Variants in PARL observed in about 807,000 individuals in gnomAD.
The protein encoded by PARL is presenilin associated rhomboid like.
PARL carries 44 observed loss-of-function variants against 51.6 expected under a neutral mutation model. That is an observed-to-expected ratio of 0.85 (90% CI 0.67 to 1.10). The LOEUF (loss-of-function observed/expected upper bound fraction) is 1.10, where lower values mean the gene tolerates loss of function less well. Among genes scored for constraint, PARL ranks in the 50% least tolerant of loss-of-function variants. PARL has a pLI of 0.00. For missense variants in PARL, 441 were observed against 469.5 expected, an observed-to-expected ratio of 0.94 and a Z score of 0.56; for synonymous variants, 172 against 164.0, an observed-to-expected ratio of 1.05 and a Z score of -0.37.
In PARL at chr3:183,884,751, G is replaced by C. The variant is rs1231380005; in HGVS notation, c.96C>G (p.Val32=). 6.3e-7 allele frequency: 1 copy of C among 1,579,326 alleles called. No individual in the cohort carries two copies. The highest frequency in any genetic ancestry group is 8.6e-7 in the Non-Finnish European group (1 of 1,166,222). Residue 32 remains valine (V), a synonymous_variant, in exon 1 of 10, where the codon GTC becomes GTG. Coordinates refer to ENST00000317096, the MANE Select transcript of PARL (RefSeq NM_018622.7). ...GTCCGAGGAGCTGCGGCGGGGTTAG[G>C]ACCGCAGTGAGCTCCTCGCAGCTGC... is the stretch of plus-strand genomic sequence containing the variant. ...GGRSCEELTA[V]LTPPQLLGRR... is the part of the protein sequence containing the mutation.
chr3:183,858,742 A>G (rs1731447192), intron 4 of PARL, among the ~76,000 whole-genome samples: 1 of 152,156 alleles, frequency 6.6e-6, no homozygotes, highest in Admixed American at 6.5e-5. Flanking sequence ...GCAATAGAAC[A>G]GAAAATTAGG....
At chr3:183,861,125 T>C (rs1731781483) in intron 4 of PARL, 3 of 323,496 alleles carry the variant, frequency 9.3e-6, no homozygotes, top group East Asian at 3.4e-4. Context: ...CTCATTACTT[T>C]CATAAAAGAA....
chr3:183,846,758 C>T (rs533222358), intron 4 of PARL: 18 of 252,238 alleles, frequency 7.1e-5, no homozygotes, highest in Non-Finnish European at 1.1e-4. Context: ...AAATTATGTA[C>T]GTGAACCACT....
intron 1 of PARL, chr3:183,879,726 TG>T: frequency 1.0e-6 from 1 of 979,826 alleles, no homozygotes. Context: ...TTCCTTTTTT[TG>T]GTGGGCGGGG....
At chr3:183,833,059 G>A (rs909815168) in intron 9 of PARL, among the ~76,000 whole-genome samples, 1 of 152,212 alleles carries the variant, frequency 6.6e-6, no homozygotes, top group Admixed American at 6.5e-5. Context: ...CAGTCATACA[G>A]AGCAATGGCT....
intron 1 of PARL, among the ~76,000 whole-genome samples, chr3:183,882,384 CAT>C (rs1312746540): frequency 8.4e-6 from 1 of 119,718 alleles, no homozygotes; most frequent in East Asian, 2.8e-4. Flanking sequence ...CACATATATA[CAT>C]ATATATGCAC....
chr3:183,869,331 C>G (rs1263579124), intron 1 of PARL, among the ~76,000 whole-genome samples: 1 of 152,078 alleles, frequency 6.6e-6, no homozygotes, highest in Non-Finnish European at 1.5e-5. Flanking sequence ...CCTCAGCATC[C>G]CTAGTAGCTG....
At chr3:183,870,805 G>A (rs1267624705) in intron 1 of PARL, among the ~76,000 whole-genome samples, 1 of 152,010 alleles carries the variant, frequency 6.6e-6, no homozygotes, top group Non-Finnish European at 1.5e-5. Flanking sequence ...TGACTTTCTT[G>A]CAGTTCCTAT....
At chr3:183,852,559 C>A (rs1221018164) in intron 4 of PARL, among the ~76,000 whole-genome samples, 3 of 152,054 alleles carry the variant, frequency 2.0e-5, no homozygotes, top group Admixed American at 6.6e-5. Context: ...TGAAAAAGTC[C>A]TGGAAATAGA....
intron 1 of PARL, among the ~76,000 whole-genome samples, chr3:183,874,378 A>C (rs1167313767): frequency 6.6e-6 from 1 of 151,620 alleles, no homozygotes; most frequent in Non-Finnish European, 1.5e-5. Context: ...AGGAACAGTC[A>C]CATGTCTCTG....
chr3:183,846,965 C>T (rs1471714197), intron 4 of PARL, among the ~76,000 whole-genome samples: 1 of 152,194 alleles, frequency 6.6e-6, no homozygotes, highest in African/African-American at 2.4e-5. Flanking sequence ...TACTATACAT[C>T]AAGACATGGG....
chr3:183,842,547 C>T (rs1027331702), intron 5 of PARL, 100 bp from the exon 6 acceptor site: 11 of 1,096,922 alleles, frequency 1.0e-5, no homozygotes, highest in African/African-American at 9.3e-5. Flanking sequence ...CAGTGGCTCA[C>T]GCCTGTAATC....
At chr3:183,856,042 CA>C (rs1731129185) in intron 4 of PARL, among the ~76,000 whole-genome samples, 1 of 151,942 alleles carries the variant, frequency 6.6e-6, no homozygotes, top group African/African-American at 2.4e-5. Flanking sequence ...TCCTGCTCTG[CA>C]GCCCGGTTCT....
chr3:183,873,020 T>C (rs1372611496), intron 1 of PARL, among the ~76,000 whole-genome samples: 1 of 152,208 alleles, frequency 6.6e-6, no homozygotes, highest in Non-Finnish European at 1.5e-5. Flanking sequence ...TACTGCCAAA[T>C]GTATTCCTGG....
At chr3:183,851,013 G>A (rs1480168376) in intron 4 of PARL, among the ~76,000 whole-genome samples, 1 of 152,178 alleles carries the variant, frequency 6.6e-6, no homozygotes, top group Non-Finnish European at 1.5e-5. Context: ...ACGGTCACCT[G>A]ATTTTTGACT....
At chr3:183,882,032 C>A (rs561783416) in intron 1 of PARL, among the ~76,000 whole-genome samples, 1 of 151,106 alleles carries the variant, frequency 6.6e-6, no homozygotes, top group East Asian at 2.0e-4. Context: ...AAAACCCCGT[C>A]TCTACAAAAA....
intron 9 of PARL, among the ~76,000 whole-genome samples, chr3:183,831,007 C>T (rs898463839): frequency 3.3e-5 from 5 of 152,168 alleles, no homozygotes; most frequent in African/African-American, 1.2e-4. Context: ...GACAGAGTCG[C>T]GCTCTGTTGC....
intron 4 of PARL, among the ~76,000 whole-genome samples, chr3:183,853,303 C>G (rs1215362300): frequency 5.3e-5 from 8 of 152,202 alleles, no homozygotes; most frequent in African/African-American, 1.9e-4. Context: ...TGGCTCATGC[C>G]TGTAAACCCA....
intron 1 of PARL, among the ~76,000 whole-genome samples, chr3:183,884,487 T>G (rs1734890729): frequency 6.6e-6 from 1 of 152,152 alleles, no homozygotes; most frequent in Admixed American, 6.5e-5. Flanking sequence ...CCCCTTCCAG[T>G]CACGTCCTTC....
Sources: gnomAD v4.1 joint callset for allele counts (sites outside exome capture counted in the v4.1 genomes callset) on GRCh38, gnomAD v4.1.1 for gene constraint, MANE v1.5 for transcripts, NCBI Gene and HGNC (gene_info 2026-07-23, HGNC 2026-07-21) for gene names.